Variants in NOL4 observed in about 807,000 individuals in gnomAD.
The protein encoded by NOL4 is nucleolar protein 4, also known as cancer/testis antigen 125.
In NOL4, 17 loss-of-function variants were observed where a neutral mutation model predicts 75.9. The ratio of observed to expected loss-of-function variants is 0.22; its 90% confidence interval spans 0.15 to 0.34. The LOEUF is 0.34. Ranked by LOEUF, NOL4 falls within the 10% of genes least tolerant of loss-of-function variation. The probability of loss-of-function intolerance (pLI) is 1.00; values close to 1 mark genes in which losing one functional copy is unlikely to be tolerated. For missense variants in NOL4, 614 were observed against 793.5 expected, an observed-to-expected ratio of 0.77 and a Z score of 2.72; for synonymous variants, 292 against 289.9, an observed-to-expected ratio of 1.01 and a Z score of -0.07.
At chr18:34,125,031 G>A (rs1227284055) in intron 2 of NOL4, among the ~76,000 whole-genome samples, 1 of 152,094 alleles carries the variant, frequency 6.6e-6, no homozygotes, top group Non-Finnish European at 1.5e-5. Context: ...AGAGATGAGA[G>A]ACAGAAACAA....
At chr18:33,909,077 T>TA (rs1462659908) in intron 9 of NOL4, among the ~76,000 whole-genome samples, 1 of 152,170 alleles carries the variant, frequency 6.6e-6, no homozygotes, top group East Asian at 1.9e-4. Context: ...TTTAAGTTGT[T>TA]AATTTTTAGG....
chr18:34,188,824 T>C (rs2034693099), intron 1 of NOL4, among the ~76,000 whole-genome samples: 1 of 152,170 alleles, frequency 6.6e-6, no homozygotes, highest in Non-Finnish European at 1.5e-5. Context: ...TTGAGGACTA[T>C]CTGTATTTAG....
At chr18:34,106,528 A>C (rs2079286826) in intron 2 of NOL4, among the ~76,000 whole-genome samples, 1 of 151,994 alleles carries the variant, frequency 6.6e-6, no homozygotes, top group Non-Finnish European at 1.5e-5. Flanking sequence ...CTTATTTTTA[A>C]ATATTATATT....
At position 33,887,367 on chromosome 18, in the gene NOL4, T is replaced by C. The variant is rs1024850903; in HGVS notation, c.1543-3943A>G. Among the ~76,000 whole-genome samples the C allele has an allele frequency of 1.1e-4, 16 of 151,440 alleles. No individual in the cohort carries two copies. The Admixed American group carries it at 1.1e-3, about 10-fold the overall frequency. ...CAGCAAATTGCAGATTATTATTATATTTTAATTCTGAAAGTTATTCTTTGC... is the reference window on the plus strand; with the variant it reads ...CAGCAAATTGCAGATTATTATTATACTTTAATTCTGAAAGTTATTCTTTGC... On this transcript the variant is annotated intron_variant, in intron 9 of 10. Transcript: ENST00000261592.
At chr18:33,994,068 T>C (rs995152463) in intron 6 of NOL4, among the ~76,000 whole-genome samples, 2 of 151,790 alleles carry the variant, frequency 1.3e-5, no homozygotes, top group African/African-American at 4.8e-5. Flanking sequence ...CGAGACATCT[T>C]ACAATGACAA....
At chr18:34,173,372 G>C (rs2146280391) in intron 1 of NOL4, among the ~76,000 whole-genome samples, 1 of 151,784 alleles carries the variant, frequency 6.6e-6, no homozygotes, top group African/African-American at 2.4e-5. Context: ...TTGATGAGAG[G>C]GCAGGTTTTA....
In NOL4 at chr18:34,136,588, CA is replaced by C. The variant is rs1408245519; in HGVS notation, c.265-6569del. Reference sequence around the variant, plus strand: ...AAAATAATTTCTTTTATAAGGGTTTCAAAACACTAAAATACTTAGGAATAAT... The same window carrying C: ...AAAATAATTTCTTTTATAAGGGTTTCAAACACTAAAATACTTAGGAATAAT... On this transcript the variant is annotated intron_variant, in intron 1 of 10. Transcript: ENST00000261592. Among the ~76,000 whole-genome samples, 21 of 151,724 alleles carry C rather than the reference CA, an allele frequency of 1.4e-4. No individual in the cohort carries two copies. In the East Asian group the frequency reaches 4.1e-3, roughly 30 times the overall value.
intron 9 of NOL4, among the ~76,000 whole-genome samples, chr18:33,932,132 C>T (rs1222511088): frequency 6.6e-6 from 1 of 152,056 alleles, no homozygotes; most frequent in South Asian, 2.1e-4. Flanking sequence ...GCCATAGTAT[C>T]CCCACATTTC....
chr18:33,887,644 C>T (rs1413139739), intron 9 of NOL4, among the ~76,000 whole-genome samples: 5 of 152,110 alleles, frequency 3.3e-5, no homozygotes, highest in South Asian at 2.1e-4. Context: ...TGTTCAGCTC[C>T]TACCTATGAG....
At chr18:33,942,569 A>T (rs1187525747) in intron 9 of NOL4, among the ~76,000 whole-genome samples, 1 of 151,934 alleles carries the variant, frequency 6.6e-6, no homozygotes, top group African/African-American at 2.4e-5. Flanking sequence ...CTAAGACATG[A>T]ATTTTCATTA....
intron 1 of NOL4, among the ~76,000 whole-genome samples, chr18:34,200,412 T>C (rs994672487): frequency 1.3e-5 from 2 of 151,884 alleles, no homozygotes; most frequent in African/African-American, 2.4e-5. Flanking sequence ...GTTAAACTTA[T>C]TCAATTTAAA....
Position 33,940,991 on chromosome 18 carries a change from C to CA in NOL4, c.1542+2073dup, listed in dbSNP as rs144887803. Among the ~76,000 whole-genome samples, 1,271 of 152,018 alleles carry CA rather than the reference C, an allele frequency of 8.4e-3. 7 individuals carry two copies. The highest frequency in any genetic ancestry group is 0.029 in the African/African-American group (1,216 of 41,508). ...AATTTGAGCTCAATGTAAAGACCTT[C>CA]AAAAACAATGATAAATCTCTGACAG... On this transcript the variant is annotated intron_variant, in intron 9 of 10. Coordinates refer to ENST00000261592, the MANE Select transcript of NOL4 (RefSeq NM_003787.5).
intron 8 of NOL4, among the ~76,000 whole-genome samples, chr18:33,948,954 C>T (rs1027280952): frequency 2.6e-5 from 4 of 151,890 alleles, no homozygotes; most frequent in Admixed American, 2.0e-4. Flanking sequence ...TTGTATAAAC[C>T]TAAAAGATTT....
rs770543987 is a variant in NOL4, at chr18:33,958,309, T to C, written c.1166A>G (p.Glu389Gly). The C allele has an allele frequency of 1.9e-6, 3 of 1,613,862 alleles. No homozygotes were observed. Among genetic ancestry groups the C allele is most frequent in the Non-Finnish European group, 2.5e-6 (3 of 1,179,800 alleles). The change falls in exon 7 of 11, where the codon GAG (glutamate) becomes GGG (glycine). Residue 389 changes from glutamate (E) to glycine (G), a missense_variant. Physicochemically the swap from Glu to Gly is moderately conservative, Grantham distance 98. Coordinates refer to ENST00000261592, the MANE Select transcript of NOL4 (RefSeq NM_003787.5). The part of the protein sequence containing the change: ...NRGDEDEDDH[E>G]DHDDSEKVNE... ...AACTTTCTCCGAATCGTCATGGTCC[T>C]CGTGGTCATCTTCGTCCTCATCTCC...
At chr18:34,007,024 T>C (rs2074067199) in intron 6 of NOL4, among the ~76,000 whole-genome samples, 1 of 152,002 alleles carries the variant, frequency 6.6e-6, no homozygotes, top group African/African-American at 2.4e-5. Context: ...CCCATGACTT[T>C]ATGCTCTGCT....
chr18:34,101,929 A>G (rs1334892839), intron 4 of NOL4, among the ~76,000 whole-genome samples: 8 of 151,954 alleles, frequency 5.3e-5, no homozygotes, highest in Admixed American at 3.9e-4. Context: ...GCTTTCCACT[A>G]TCTCCTTAAA....
intron 4 of NOL4, among the ~76,000 whole-genome samples, chr18:34,094,675 T>G (rs771116330): frequency 9.0e-4 from 137 of 152,336 alleles, no homozygotes; most frequent in Non-Finnish European, 1.6e-3. Flanking sequence ...ATCTCTAGCT[T>G]TGACTTTAAT....
chr18:34,164,782 A>G (rs2032084700), intron 1 of NOL4, among the ~76,000 whole-genome samples: 1 of 151,824 alleles, frequency 6.6e-6, no homozygotes, highest in African/African-American at 2.4e-5. Flanking sequence ...CTATAAAGAC[A>G]CATGCACACG....
At chr18:33,875,073 AAAC>A (rs1426049151) in intron 10 of NOL4, among the ~76,000 whole-genome samples, 1 of 152,044 alleles carries the variant, frequency 6.6e-6, no homozygotes, top group Non-Finnish European at 1.5e-5. Flanking sequence ...CAGAGTTGAA[AAAC>A]AAATTGAAAA....
Sources: allele counts gnomAD v4.1 joint callset (sites outside exome capture counted in the v4.1 genomes callset), GRCh38; gene constraint gnomAD v4.1.1; transcripts MANE v1.5; gene names NCBI Gene and HGNC (gene_info 2026-07-23, HGNC 2026-07-21).